DNAI4: variants seen among roughly 807,000 people sequenced by gnomAD.
The protein encoded by DNAI4 is dynein axonemal intermediate chain 4.
In DNAI4, 85 loss-of-function variants were observed where a neutral mutation model predicts 105.8. The ratio of observed to expected loss-of-function variants is 0.80; its 90% confidence interval spans 0.67 to 0.96. DNAI4 has a LOEUF of 0.96. Ranked by LOEUF, DNAI4 falls within the 40% of genes least tolerant of loss-of-function variation. The pLI, the probability that DNAI4 is intolerant of heterozygous loss-of-function variation, is 0.00. For synonymous variants in DNAI4, 352 were observed against 331.5 expected (o/e 1.06, Z -0.67); for missense variants, 1,014 against 1,005.6 (o/e 1.01, Z -0.11).
intron 7 of DNAI4, chr1:66,848,269 C>A: frequency 2.2e-6 from 1 of 456,144 alleles, no homozygotes; most frequent in Non-Finnish European, 4.4e-6. Flanking sequence ...ATTGCATTCC[C>A]GCTGACCTTC....
chr1:66,922,213 C>T (rs1476226294), intron 1 of DNAI4, among the ~76,000 whole-genome samples: 2 of 152,056 alleles, frequency 1.3e-5, no homozygotes, highest in Non-Finnish European at 2.9e-5. Flanking sequence ...AGGCATGAGC[C>T]ACTGTGCCTG....
At chr1:66,822,633 T>C in intron 15 of DNAI4, 116 bp from the exon 16 acceptor site, 2 of 950,510 alleles carry the variant, frequency 2.1e-6, no homozygotes, top group Non-Finnish European at 2.9e-6. Flanking sequence ...ATAAGCCTAT[T>C]TAAGTGTTTC....
chr1:66,824,385 C>T (rs535605782), intron 15 of DNAI4, among the ~76,000 whole-genome samples: 2,090 of 151,904 alleles, frequency 0.014, 39 homozygotes, highest in African/African-American at 0.048. Context: ...ATTGACTTGG[C>T]GATGCGGGCT....
In DNAI4 at chr1:66,833,623, G is replaced by A. The variant is rs761215483; in HGVS notation, c.1975C>T (p.Arg659Ter). 72 of 1,613,188 alleles carry A rather than the reference G, an allele frequency of 4.5e-5. No individual in the cohort carries two copies. Among genetic ancestry groups the A allele is most frequent in the African/African-American group, 6.7e-5 (5 of 74,862 alleles). ...KEKKDEALIS[R>*]QAPGMCFAFH... is the part of the protein sequence containing the mutation. The stretch of plus-strand genomic sequence containing the variant: ...GCAAAACACATTCCAGGAGCCTGTC[G>A]AGATATCAAAGCTTCATCTTTCTTT... The change falls in exon 13 of 17, where the codon CGA becomes TGA. Residue 659 changes from arginine to a stop codon, truncating the protein, a stop_gained. Transcript: ENST00000371026. LOFTEE classifies it high-confidence loss of function.
intron 8 of DNAI4, 76 bp downstream of exon 8, chr1:66,847,408 T>TC (rs1463196472): frequency 2.1e-6 from 3 of 1,422,014 alleles, no homozygotes. Context: ...ATCCTCTTCC[T>TC]CAGCCTCCCA....
At chr1:66,853,166 A>C (rs1051264898) in intron 7 of DNAI4, among the ~76,000 whole-genome samples, 2 of 152,258 alleles carry the variant, frequency 1.3e-5, no homozygotes, top group African/African-American at 4.8e-5. Context: ...TTATTCTCCT[A>C]ACAAGAAGCT....
chr1:66,835,114 C>A (rs2483706), intron 11 of DNAI4, among the ~76,000 whole-genome samples: 151,112 of 152,214 alleles, frequency 0.99, 75,016 homozygotes, highest in Middle Eastern at 1. Context: ...TTACATGTCC[C>A]ATGTTATATG....
chr1:66,831,396 TC>T (rs1420976825), intron 13 of DNAI4, among the ~76,000 whole-genome samples: 3 of 152,076 alleles, frequency 2.0e-5, no homozygotes, highest in African/African-American at 7.2e-5. Flanking sequence ...AAACAAAATT[TC>T]AGTATATCAA....
At chr1:66,840,332 GGGCA>G (rs1646122452) in intron 9 of DNAI4, 133 bp downstream of exon 9, 1 of 743,096 alleles carries the variant, frequency 1.3e-6, no homozygotes, top group African/African-American at 1.8e-5. Context: ...CTTGTTTTAG[GGGCA>G]TTCTAAAACT....
chr1:66,905,017 CT>C (rs1649131550), intron 2 of DNAI4, 183 bp downstream of exon 2: 2 of 440,350 alleles, frequency 4.5e-6, no homozygotes, highest in South Asian at 1.6e-4. Context: ...TTATCAATAA[CT>C]AGTTATAGGA....
rs942319592 is a variant in DNAI4 at position 66,922,268 on chromosome 1, T to C, written c.170+2394A>G. The stretch of plus-strand genomic sequence containing the variant: ...AAAAATTCAAGCAAAGGTGAGGGAC[T>C]GAAGAGCTCCAAAGGTGAAGTATTA... On this transcript the variant is annotated intron_variant, in intron 1 of 16. Coordinates refer to ENST00000371026, the MANE Select transcript of DNAI4 (RefSeq NM_024763.5). Among the ~76,000 whole-genome samples, 3 of 152,118 alleles carry C rather than the reference T, an allele frequency of 2.0e-5. No homozygotes were observed. In the East Asian group the frequency reaches 5.8e-4, roughly 29 times the overall value.
intron 4 of DNAI4, among the ~76,000 whole-genome samples, chr1:66,881,045 T>C (rs1423697929): frequency 1.3e-5 from 2 of 152,220 alleles, no homozygotes; most frequent in African/African-American, 4.8e-5. Context: ...CCATGTGGTA[T>C]TGAGCCTGTG....
chr1:66,915,529 C>T (rs1650000611), intron 1 of DNAI4, among the ~76,000 whole-genome samples: 1 of 151,990 alleles, frequency 6.6e-6, no homozygotes, highest in African/African-American at 2.4e-5. Context: ...GGAATAAATA[C>T]TTGTAGACAA....
intron 7 of DNAI4, among the ~76,000 whole-genome samples, chr1:66,860,316 G>A (rs140964314): frequency 4.1e-4 from 62 of 152,068 alleles, no homozygotes; most frequent in Admixed American, 2.0e-3. Flanking sequence ...TACATTCAAA[G>A]TTTAAATGGA....
At chr1:66,823,095 T>C (rs1470250936) in intron 15 of DNAI4, among the ~76,000 whole-genome samples, 2 of 148,888 alleles carry the variant, frequency 1.3e-5, no homozygotes, top group Non-Finnish European at 3.0e-5. Context: ...AGTGTGATGT[T>C]CCCCTTCCCG....
In DNAI4 at chr1:66,887,908, G is replaced by A. The variant is rs140827336; in HGVS notation, c.643+3246C>T. Reference sequence around the variant, plus strand: ...CAGGAAGCAGAGGTTGTAGTGAGCCGAGATCGCACCACTGCACTCCAGCCT... The same window carrying A: ...CAGGAAGCAGAGGTTGTAGTGAGCCAAGATCGCACCACTGCACTCCAGCCT... On this transcript the variant is annotated intron_variant, in intron 4 of 16. Transcript: ENST00000371026. 7.1e-3 allele frequency among the ~76,000 whole-genome samples: 1,074 copies of A among 152,092 alleles called. 6 individuals carry two copies. Among genetic ancestry groups the A allele is most frequent in the African/African-American group, 0.024 (1,008 of 41,480 alleles).
intron 1 of DNAI4, among the ~76,000 whole-genome samples, chr1:66,907,269 A>G (rs569284361): frequency 2.0e-5 from 3 of 152,290 alleles, no homozygotes; most frequent in African/African-American, 4.8e-5. Flanking sequence ...ACCACAGACT[A>G]TTCTTCAACC....
At position 66,924,815 on chromosome 1, in the gene DNAI4, T is replaced by C; in HGVS notation, c.17A>G (p.His6Arg). 3.1e-6 allele frequency: 5 copies of C among 1,614,012 alleles called. No homozygotes were observed. The highest frequency in any genetic ancestry group is 1.6e-4 in the Middle Eastern group (1 of 6,062). Residue 6 changes from histidine to arginine, a missense_variant, in exon 1 of 17, where the codon CAT becomes CGT. Physicochemically the swap from His to Arg is conservative, Grantham distance 29. Coordinates refer to ENST00000371026, the MANE Select transcript of DNAI4 (RefSeq NM_024763.5). MTPGK[H>R]SGASARAANG... ...AGCGGCTCGGGCCGAGGCTCCGGAATGTTTGCCGGGCGTCATGGCGACGGT... is the reference window on the plus strand; with the variant it reads ...AGCGGCTCGGGCCGAGGCTCCGGAACGTTTGCCGGGCGTCATGGCGACGGT...
intron 2 of DNAI4, among the ~76,000 whole-genome samples, chr1:66,904,467 C>T (rs1649084207): frequency 6.6e-6 from 1 of 152,052 alleles, no homozygotes; most frequent in Non-Finnish European, 1.5e-5. Context: ...TGCTCCCATG[C>T]TATCTGTTTA....
Sources: gnomAD v4.1 joint callset for allele counts (sites outside exome capture counted in the v4.1 genomes callset) on GRCh38, gnomAD v4.1.1 for gene constraint, MANE v1.5 for transcripts, NCBI Gene and HGNC (gene_info 2026-07-23, HGNC 2026-07-21) for gene names.